The following LRRC75A variants were observed in gnomAD, a reference collection of about 807,000 sequenced individuals.
LRRC75A encodes the protein leucine-rich repeat-containing protein 75A.
Under a neutral mutation model 26.0 loss-of-function variants are expected in LRRC75A, and 12 were observed. That is an observed-to-expected ratio of 0.46 (90% confidence interval 0.30 to 0.75). The LOEUF is 0.75. Ranked by LOEUF, LRRC75A falls within the 30% of genes least tolerant of loss-of-function variation. The pLI is 0.08. For synonymous variants in LRRC75A, 223 were observed against 219.3 expected (o/e 1.02, Z -0.15); for missense variants, 410 against 486.6 (o/e 0.84, Z 1.48).
At chr17:16,447,412 C>T (rs1170787092) in intron 3 of LRRC75A, among the ~76,000 whole-genome samples, 1 of 152,156 alleles carries the variant, frequency 6.6e-6, no homozygotes, top group African/African-American at 2.4e-5. Context: ...TCAAGTGATT[C>T]TCCTGCCTCA....
intron 2 of LRRC75A, among the ~76,000 whole-genome samples, chr17:16,456,864 G>C (rs942928100): frequency 1.3e-5 from 2 of 152,198 alleles, no homozygotes; most frequent in Non-Finnish European, 2.9e-5. Context: ...GCTGTGTGCT[G>C]AATCAATGCT....
intron 1 of LRRC75A, among the ~76,000 whole-genome samples, chr17:16,464,152 T>A (rs1034181230): frequency 1.4e-4 from 21 of 152,180 alleles, no homozygotes; most frequent in Non-Finnish European, 4.4e-5. Context: ...TTGTGAGGGC[T>A]GTTTTCCATA....
chr17:16,458,819 T>A (rs1379781503), intron 2 of LRRC75A, among the ~76,000 whole-genome samples: 1 of 151,988 alleles, frequency 6.6e-6, no homozygotes, highest in Non-Finnish European at 1.5e-5. Context: ...CCCTGACCAA[T>A]GTCTTGAGAG....
At chr17:16,488,994 C>T (rs934757914) in intron 1 of LRRC75A, among the ~76,000 whole-genome samples, 7 of 152,088 alleles carry the variant, frequency 4.6e-5, no homozygotes, top group African/African-American at 1.7e-4. Flanking sequence ...TGGTATTGGA[C>T]TGGAGCAGAG....
intron 1 of LRRC75A, among the ~76,000 whole-genome samples, chr17:16,480,631 AAAAAAAAAAAAC>A (rs2093831521): frequency 6.7e-6 from 1 of 149,554 alleles, no homozygotes; most frequent in African/African-American, 2.5e-5. Flanking sequence ...CTTCGTCTCA[AAAAAAAAAAAAC>A]AAAAAAAAAA....
At chr17:16,474,578 C>T (rs1354646203) in intron 1 of LRRC75A, among the ~76,000 whole-genome samples, 1 of 151,992 alleles carries the variant, frequency 6.6e-6, no homozygotes, top group African/African-American at 2.4e-5. Flanking sequence ...CCCATCCCAG[C>T]GCCCTCCTAA....
At chr17:16,453,348 GCACA>G (rs147019550) in intron 2 of LRRC75A, among the ~76,000 whole-genome samples, 57 of 145,918 alleles carry the variant, frequency 3.9e-4, no homozygotes, top group South Asian at 1.1e-3. Flanking sequence ...ACACGCACAC[GCACA>G]CACACACACA....
chr17:16,467,247 G>C (rs2093776611), intron 1 of LRRC75A, among the ~76,000 whole-genome samples: 3 of 152,162 alleles, frequency 2.0e-5, no homozygotes, highest in Admixed American at 2.0e-4. Flanking sequence ...TTGAACTCCT[G>C]GGCTCAAGTG....
chr17:16,482,604 G>A (rs189911091), intron 1 of LRRC75A, among the ~76,000 whole-genome samples: 22 of 152,326 alleles, frequency 1.4e-4, no homozygotes, highest in Middle Eastern at 3.4e-3. Context: ...CCACTCATGA[G>A]CCCCACTGAG....
rs2093858455 is a variant in LRRC75A, at chr17:16,491,934, C to T, written c.57G>A (p.Ala19=). ...CCGGCCGTTCGCGTCGGGGGCCCGG[C>T]GCGGCGCCGGGGCTGGCTCTCTCCG... ...SLAERASPGA[A]PGPRRERPDF... is the part of the protein sequence containing the mutation. The change falls in exon 1 of 4, where the codon GCG becomes GCA. Residue 19 remains alanine, a synonymous_variant. Coordinates refer to ENST00000470794, the MANE Select transcript of LRRC75A (RefSeq NM_001113567.3). The surrounding 1 kb of genome is among the most constrained non-coding windows in gnomAD (Gnocchi z 5.9). The T allele has an allele frequency of 3.3e-5, 41 of 1,245,564 alleles. No individual in the cohort carries two copies. The highest frequency in any genetic ancestry group is 4.1e-5 in the Non-Finnish European group (41 of 997,880). The allele number at this position is 1,245,564 out of a possible 1,614,324, so 77.2% of individuals were successfully genotyped here. A position where few individuals can be genotyped will look rare whatever the true frequency, so the allele number is the denominator to read the frequency against.
intron 2 of LRRC75A, among the ~76,000 whole-genome samples, chr17:16,452,015 C>T (rs1346626902): frequency 6.7e-6 from 1 of 150,080 alleles, no homozygotes; most frequent in African/African-American, 2.5e-5. Flanking sequence ...CCATTACAGG[C>T]GTTAGCCACC....
At chr17:16,448,028 C>A (rs571600380) in intron 2 of LRRC75A, 68 bp from the exon 3 acceptor site, 1 of 1,400,432 alleles carries the variant, frequency 7.1e-7, no homozygotes, top group Admixed American at 2.0e-5. Context: ...CCCCAGGCTT[C>A]CTGTCTCCCG....
In LRRC75A at chr17:16,442,099, C is replaced by G. The variant is rs1200029010; in HGVS notation, c.*1489G>C. Reference sequence around the variant, plus strand: ...TTAGCAGTCCAGATATTCGCTCTAGCTTGTAAACTTCCCTGTGGTCAGCCT... The same window carrying G: ...TTAGCAGTCCAGATATTCGCTCTAGGTTGTAAACTTCCCTGTGGTCAGCCT... On this transcript the variant is annotated 3_prime_UTR_variant, in exon 4 of 4. Transcript: ENST00000470794. 1 of 152,348 alleles carries G rather than the reference C, an allele frequency of 6.6e-6. No individual in the cohort carries two copies. Among genetic ancestry groups the G allele is most frequent in the African/African-American group, 2.4e-5 (1 of 41,464 alleles). 9.4% of individuals were successfully genotyped at this position (152,348 alleles called of 1,614,324 possible). A position where few individuals can be genotyped will look rare whatever the true frequency, so the allele number is the denominator to read the frequency against.
chr17:16,487,261 C>T (rs2093848995), intron 1 of LRRC75A, among the ~76,000 whole-genome samples: 4 of 152,130 alleles, frequency 2.6e-5, no homozygotes, highest in Admixed American at 6.5e-5. Context: ...CCCCCCTGCT[C>T]GGTGTCTGGT....
intron 1 of LRRC75A, among the ~76,000 whole-genome samples, chr17:16,485,000 G>GGA (rs2093843018): frequency 6.6e-6 from 1 of 151,456 alleles, no homozygotes; most frequent in Non-Finnish European, 1.5e-5. Context: ...TGCTCCTGGA[G>GGA]AGCCACGTGG....
chr17:16,486,049 A>G (rs985490929), intron 1 of LRRC75A, among the ~76,000 whole-genome samples: 1 of 152,208 alleles, frequency 6.6e-6, no homozygotes, highest in Non-Finnish European at 1.5e-5. Context: ...CGCCAGGGAC[A>G]GAGGCTGGAG....
chr17:16,468,816 G>A (rs2093788780), intron 1 of LRRC75A, among the ~76,000 whole-genome samples: 1 of 152,242 alleles, frequency 6.6e-6, no homozygotes, highest in Admixed American at 6.5e-5. Flanking sequence ...TTGAGCCAGG[G>A]AGGTTGAGGC....
intron 2 of LRRC75A, chr17:16,461,029 C>G (rs1256142758): frequency 6.6e-6 from 1 of 152,630 alleles, no homozygotes; most frequent in Admixed American, 6.5e-5. Context: ...CCCTGCATCC[C>G]TGCCTTCTGC....
chr17:16,472,883 G>A (rs1434349054), intron 1 of LRRC75A, among the ~76,000 whole-genome samples: 1 of 152,108 alleles, frequency 6.6e-6, no homozygotes, highest in African/African-American at 2.4e-5. Flanking sequence ...TGCTTTTTAG[G>A]ATGAGTATTT....
Sources: allele counts gnomAD v4.1 joint callset (sites outside exome capture counted in the v4.1 genomes callset), GRCh38; gene constraint gnomAD v4.1.1; non-coding constraint Gnocchi (gnomAD v3.1); transcripts MANE v1.5; gene names NCBI Gene and HGNC (gene_info 2026-07-23, HGNC 2026-07-21).